INTS7: variants seen among roughly 807,000 people sequenced by gnomAD.
INTS7 encodes integrator complex subunit 7, also known as chromosome 1 open reading frame 73.
Under a neutral mutation model 109.2 loss-of-function variants are expected in INTS7, and 46 were observed. That is an observed-to-expected ratio of 0.42 (90% confidence interval 0.33 to 0.54). The LOEUF is 0.54. Ranked by LOEUF, INTS7 falls within the 20% of genes least tolerant of loss-of-function variation. INTS7 has a pLI of 0.07. For synonymous variants in INTS7, 412 were observed against 402.9 expected (o/e 1.02, Z -0.27); for missense variants, 929 against 1,132.4 (o/e 0.82, Z 2.58).
At chr1:211,953,799 G>A (rs1226067909) in intron 16 of INTS7, among the ~76,000 whole-genome samples, 5 of 150,184 alleles carry the variant, frequency 3.3e-5, no homozygotes, top group Non-Finnish European at 5.9e-5. Context: ...CCAGTCTATC[G>A]TTGTTGGACA....
At chr1:211,945,724 TTAAC>T (rs1195041055) in intron 18 of INTS7, among the ~76,000 whole-genome samples, 12 of 152,250 alleles carry the variant, frequency 7.9e-5, no homozygotes, top group African/African-American at 2.2e-4. Context: ...ACTGAAGACA[TTAAC>T]TAACAGGGAT....
chr1:212,003,227 C>G (rs12122488), intron 7 of INTS7, among the ~76,000 whole-genome samples: 3 of 134,962 alleles, frequency 2.2e-5, no homozygotes, highest in Admixed American at 8.2e-5. Flanking sequence ...ATAGTCTAGA[C>G]AGTTTAAAAA....
intron 4 of INTS7, 79 bp downstream of exon 4, chr1:212,016,807 A>AT (rs1666464846): frequency 1.2e-5 from 13 of 1,117,930 alleles, no homozygotes; most frequent in Non-Finnish European, 1.4e-5. Flanking sequence ...CAGTGTTTAT[A>AT]TAAGTTGATC....
chr1:211,966,036 T>C (rs1663862603), intron 16 of INTS7: 1 of 156,540 alleles, frequency 6.4e-6, no homozygotes, highest in African/African-American at 2.4e-5. Context: ...CTATTTTGAA[T>C]AATTAATTAG....
Position 211,981,167 on chromosome 1 carries a change from C to A in INTS7, c.1156G>T (p.Ala386Ser), listed in dbSNP as rs1343257871. 6.2e-7 allele frequency: 1 copy of A among 1,612,934 alleles called. No homozygotes were observed. Among genetic ancestry groups the A allele is most frequent in the East Asian group, 2.2e-5 (1 of 44,828 alleles). Residue 386 changes from alanine (A) to serine (S), a missense_variant, in exon 10 of 20, where the codon GCT becomes TCT. Transcript: ENST00000366994. Reference sequence around the variant, plus strand: ...AGTAGGGATTCCAGGCCAAAGACAGCATCTTGTTCCAGTGCCAAAAGATCT... The same window carrying A: ...AGTAGGGATTCCAGGCCAAAGACAGAATCTTGTTCCAGTGCCAAAAGATCT... Reference protein sequence around the residue: ...EKDLLALEQDAVFGLESLLVL... With the variant: ...EKDLLALEQDSVFGLESLLVL...
chr1:211,969,721 A>G (rs186133917), intron 13 of INTS7, among the ~76,000 whole-genome samples: 105 of 129,398 alleles, frequency 8.1e-4, no homozygotes, highest in Non-Finnish European at 1.4e-3. Context: ...ATGCCTGGCT[A>G]ATTTTTTTTT....
chr1:211,956,963 T>C (rs1352345089), intron 16 of INTS7, among the ~76,000 whole-genome samples: 1 of 152,248 alleles, frequency 6.6e-6, no homozygotes, highest in Non-Finnish European at 1.5e-5. Flanking sequence ...TTGGTGGTCA[T>C]ATGATAAATT....
At chr1:212,002,434 G>C (rs558695415) in intron 7 of INTS7, among the ~76,000 whole-genome samples, 1 of 152,256 alleles carries the variant, frequency 6.6e-6, no homozygotes, top group Admixed American at 6.5e-5. Context: ...ATCTCATGTA[G>C]AGTAAAAAGC....
intron 16 of INTS7, among the ~76,000 whole-genome samples, chr1:211,964,241 T>C (rs1345528001): frequency 6.6e-6 from 1 of 152,088 alleles, no homozygotes; most frequent in Non-Finnish European, 1.5e-5. Flanking sequence ...CATTCATGAC[T>C]GTCACAAAAA....
intron 16 of INTS7, among the ~76,000 whole-genome samples, chr1:211,964,877 C>T (rs1343233544): frequency 1.3e-5 from 2 of 151,960 alleles, no homozygotes; most frequent in African/African-American, 2.4e-5. Context: ...TGGAAGACAA[C>T]CTTCAGGACT....
At chr1:211,987,744 TTCAAATAAA>T (rs1186519179) in intron 8 of INTS7, 133 bp downstream of exon 8, 1 of 444,612 alleles carries the variant, frequency 2.2e-6, no homozygotes, top group East Asian at 3.4e-5. Context: ...AGAAATCATG[TTCAAATAAA>T]TCACTAGCAT....
intron 18 of INTS7, among the ~76,000 whole-genome samples, chr1:211,945,448 A>C (rs1470856666): frequency 6.6e-6 from 1 of 152,248 alleles, no homozygotes. Flanking sequence ...ATCAAATGAC[A>C]TTTTTCACCT....
intron 18 of INTS7, 137 bp from the exon 19 acceptor site, chr1:211,945,106 C>T (rs1662795601): frequency 9.9e-6 from 7 of 705,484 alleles, no homozygotes; most frequent in Non-Finnish European, 1.6e-5. Context: ...CCTGACTGTG[C>T]CAGGACAACG....
chr1:211,953,684 AATG>A (rs1236146779), intron 16 of INTS7, among the ~76,000 whole-genome samples: 3 of 151,066 alleles, frequency 2.0e-5, no homozygotes, highest in African/African-American at 2.4e-5. Flanking sequence ...GTTTGCTGAG[AATG>A]ATGATTTCCA....
In INTS7 at chr1:211,946,561, C is replaced by T. The variant is rs756039409; in HGVS notation, c.2415+46G>A. ...TGTCCTACATAATCTTCAGAAGACA[C>T]CTGGTTTTAAAACCTATATTAACCT... On this transcript the variant is annotated intron_variant, in intron 18 of 19. Coordinates refer to ENST00000366994, the MANE Select transcript of INTS7 (RefSeq NM_015434.4). The surrounding 1 kb of genome is among the most constrained non-coding windows in gnomAD (Gnocchi z 4.3). 1.3e-5 allele frequency: 15 copies of T among 1,112,048 alleles called. No individual in the cohort carries two copies. Among genetic ancestry groups the T allele is most frequent in the Non-Finnish European group, 2.1e-5 (15 of 730,422 alleles). The allele number at this position is 1,112,048 out of a possible 1,614,324, so 68.9% of individuals were successfully genotyped here.
At chr1:211,970,456 C>T (rs1311667205) in intron 13 of INTS7, among the ~76,000 whole-genome samples, 2 of 152,196 alleles carry the variant, frequency 1.3e-5, no homozygotes, top group Non-Finnish European at 2.9e-5. Flanking sequence ...TAGATACTAT[C>T]TCACATTAGT....
At chr1:211,943,094 T>C (rs1453404283) in intron 19 of INTS7, among the ~76,000 whole-genome samples, 2 of 152,098 alleles carry the variant, frequency 1.3e-5, no homozygotes, top group Non-Finnish European at 2.9e-5. Context: ...TTTTTCACAT[T>C]TAGCCTTTGT....
chr1:211,990,008 C>G (rs906048436), intron 7 of INTS7, among the ~76,000 whole-genome samples: 1 of 152,050 alleles, frequency 6.6e-6, no homozygotes, highest in African/African-American at 2.4e-5. Context: ...TAATACATAA[C>G]ACTGAAGAAT....
intron 8 of INTS7, among the ~76,000 whole-genome samples, chr1:211,985,253 G>A (rs1289102412): frequency 1.3e-5 from 2 of 152,096 alleles, no homozygotes; most frequent in Non-Finnish European, 2.9e-5. Flanking sequence ...GTTTTAAGGT[G>A]CCTTTTTCTT....
Sources: gnomAD v4.1 joint callset for allele counts (sites outside exome capture counted in the v4.1 genomes callset) on GRCh38, gnomAD v4.1.1 for gene constraint, Gnocchi (gnomAD v3.1) non-coding constraint, MANE v1.5 for transcripts, NCBI Gene and HGNC (gene_info 2026-07-23, HGNC 2026-07-21) for gene names.